Variants in MTUS2 observed in about 807,000 individuals in gnomAD.
MTUS2 encodes microtubule-associated tumor suppressor candidate 2.
Under a neutral mutation model 114.1 loss-of-function variants are expected in MTUS2, and 40 were observed. That is an observed-to-expected ratio of 0.35 (90% confidence interval 0.27 to 0.46). The LOEUF (loss-of-function observed/expected upper bound fraction) is 0.46, where lower values mean the gene tolerates loss of function less well. MTUS2 is among the 20% of genes least tolerant of loss of function. The pLI is 1.00. For missense variants in MTUS2, 1,679 were observed against 1,705.4 expected, an observed-to-expected ratio of 0.98 and a Z score of 0.27; for synonymous variants, 688 against 672.0, an observed-to-expected ratio of 1.02 and a Z score of -0.37.
intron 3 of MTUS2, among the ~76,000 whole-genome samples, chr13:29,028,435 G>A (rs1886663883): frequency 6.6e-6 from 1 of 152,050 alleles, no homozygotes; most frequent in Admixed American, 6.5e-5. Context: ...GGAGCCTGTA[G>A]GATGGCTCTG....
At chr13:28,900,952 A>C (rs1879610763) in intron 2 of MTUS2, among the ~76,000 whole-genome samples, 1 of 152,226 alleles carries the variant, frequency 6.6e-6, no homozygotes, top group Non-Finnish European at 1.5e-5. Context: ...TAGGCTTTTA[A>C]AAAAGTGCCA....
At chr13:29,033,432 ATAT>A (rs1168572907) in intron 3 of MTUS2, among the ~76,000 whole-genome samples, 1 of 152,180 alleles carries the variant, frequency 6.6e-6, no homozygotes, top group African/African-American at 2.4e-5. Flanking sequence ...TAAAGATCTA[ATAT>A]AAATGGACAC....
At chr13:28,902,551 A>G (rs1879706706) in intron 2 of MTUS2, among the ~76,000 whole-genome samples, 1 of 152,000 alleles carries the variant, frequency 6.6e-6, no homozygotes, top group Non-Finnish European at 1.5e-5. Flanking sequence ...TGGGTGTTGG[A>G]TTTTGTAAAA....
chr13:29,434,964 G>T (rs1877298413), intron 8 of MTUS2, among the ~76,000 whole-genome samples: 1 of 152,224 alleles, frequency 6.6e-6, no homozygotes, highest in Non-Finnish European at 1.5e-5. Flanking sequence ...CACTGTAGCA[G>T]ACTTGCAGGG....
chr13:29,027,768 T>TGACCTCGTGATCCGCC, intron 3 of MTUS2, among the ~76,000 whole-genome samples: 1 of 152,172 alleles, frequency 6.6e-6, no homozygotes, highest in East Asian at 1.9e-4. Context: ...CTTGATCTCC[T>TGACCTCGTGATCCGCC]GACCTCGTGA....
intron 14 of MTUS2, 92 bp downstream of exon 14, chr13:29,498,629 T>C: frequency 6.5e-7 from 1 of 1,531,342 alleles, no homozygotes; most frequent in Non-Finnish European, 8.9e-7. Flanking sequence ...GCCAGGTGTG[T>C]CCCTTACCTG....
At chr13:29,417,364 G>A (rs1309112883) in intron 8 of MTUS2, among the ~76,000 whole-genome samples, 2 of 152,188 alleles carry the variant, frequency 1.3e-5, no homozygotes, top group Non-Finnish European at 2.9e-5. Context: ...TTCAACAGGA[G>A]ATTTAGAGAG....
At chr13:29,035,325 A>G (rs1887012996) in intron 4 of MTUS2, among the ~76,000 whole-genome samples, 1 of 152,174 alleles carries the variant, frequency 6.6e-6, no homozygotes, top group Non-Finnish European at 1.5e-5. Flanking sequence ...AAGATGTCAC[A>G]TGCCTTCTTA....
At chr13:29,173,972 A>G (rs552151648) in intron 5 of MTUS2, among the ~76,000 whole-genome samples, 27 of 152,044 alleles carry the variant, frequency 1.8e-4, no homozygotes, top group Admixed American at 1.8e-3. Flanking sequence ...TTCCTGTTCT[A>G]TTCTATTCAG....
rs570850966 is a variant in MTUS2, at chr13:29,421,563, G to T, written c.3118-18420G>T. Among the ~76,000 whole-genome samples, 28 of 152,320 alleles carry T rather than the reference G, an allele frequency of 1.8e-4. No homozygotes were observed. The South Asian group carries it at 5.8e-3, about 32-fold the overall frequency. ...TTTGACTCCTTCAAGGTCCCATCCT[G>T]CATTGCCCTAGGAAATGTTCATAGA... On this transcript the variant is annotated intron_variant, in intron 8 of 15. Transcript: ENST00000612955.
intron 9 of MTUS2, among the ~76,000 whole-genome samples, chr13:29,467,999 C>G (rs1368343422): frequency 1.3e-5 from 2 of 151,818 alleles, no homozygotes; most frequent in African/African-American, 4.8e-5. Context: ...ACCTATAGTC[C>G]CAGCATCGGT....
chr13:29,389,355 ATATGTATGCACGTG>A (rs1872927204), intron 8 of MTUS2, among the ~76,000 whole-genome samples: 2 of 82,670 alleles, frequency 2.4e-5, no homozygotes, highest in African/African-American at 1.3e-4. Flanking sequence ...GTGTGTGTAT[ATATGTATGCACGTG>A]TGTGTATATA....
At chr13:29,427,314 T>C (rs1413304114) in intron 8 of MTUS2, among the ~76,000 whole-genome samples, 2 of 152,230 alleles carry the variant, frequency 1.3e-5, no homozygotes, top group Non-Finnish European at 2.9e-5. Flanking sequence ...TTTATAAAAC[T>C]TTGCTTTCTC....
At chr13:29,454,993 A>G (rs7320084) in intron 9 of MTUS2, among the ~76,000 whole-genome samples, 9,864 of 152,262 alleles carry the variant, frequency 0.065, 1,056 homozygotes, top group African/African-American at 0.22. Flanking sequence ...CACATTTGAC[A>G]CCATAGCCTG....
chr13:28,923,839 C>T (rs1053430643), intron 2 of MTUS2, among the ~76,000 whole-genome samples: 1 of 152,140 alleles, frequency 6.6e-6, no homozygotes, highest in African/African-American at 2.4e-5. Flanking sequence ...ATCCTCTTGC[C>T]GGTGCTGCAG....
intron 9 of MTUS2, among the ~76,000 whole-genome samples, chr13:29,466,714 C>G (rs770508157): frequency 6.6e-6 from 1 of 151,436 alleles, no homozygotes; most frequent in Non-Finnish European, 1.5e-5. Flanking sequence ...CCATCTCTAC[C>G]AAACTACAAA....
At chr13:29,268,673 T>A (rs1897760383) in intron 5 of MTUS2, among the ~76,000 whole-genome samples, 1 of 152,294 alleles carries the variant, frequency 6.6e-6, no homozygotes, top group Middle Eastern at 3.4e-3. Flanking sequence ...TTGTTTTTTT[T>A]CATGGCATTT....
intron 2 of MTUS2, among the ~76,000 whole-genome samples, chr13:28,846,715 G>T (rs1159023518): frequency 1.3e-5 from 2 of 152,182 alleles, no homozygotes; most frequent in African/African-American, 4.8e-5. Context: ...CCCTCTTAAA[G>T]AAACAATGAA....
chr13:29,034,364 T>C (rs549469708), intron 4 of MTUS2, among the ~76,000 whole-genome samples: 9 of 152,350 alleles, frequency 5.9e-5, no homozygotes, highest in African/African-American at 2.2e-4. Flanking sequence ...TCATAATTTC[T>C]TGCTTCTCTA....
Sources: allele counts gnomAD v4.1 joint callset (sites outside exome capture counted in the v4.1 genomes callset), GRCh38; gene constraint gnomAD v4.1.1; transcripts MANE v1.5; gene names NCBI Gene and HGNC (gene_info 2026-07-23, HGNC 2026-07-21).